Variants in MTUS2 observed in about 807,000 individuals in gnomAD.
MTUS2 encodes the protein microtubule-associated tumor suppressor candidate 2.
In MTUS2, 40 loss-of-function variants were observed where a neutral mutation model predicts 114.1. The observed-to-expected ratio is 0.35, with a 90% CI of 0.27 to 0.46. MTUS2 has a LOEUF of 0.46. MTUS2 is among the 20% of genes least tolerant of loss of function. The pLI, the probability that MTUS2 is intolerant of heterozygous loss-of-function variation, is 1.00. For missense variants in MTUS2, 1,679 were observed against 1,705.4 expected, an observed-to-expected ratio of 0.98 and a Z score of 0.27; for synonymous variants, 688 against 672.0, an observed-to-expected ratio of 1.02 and a Z score of -0.37.
chr13:29,041,490 G>A (rs1887355989), intron 4 of MTUS2, among the ~76,000 whole-genome samples: 1 of 152,076 alleles, frequency 6.6e-6, no homozygotes, highest in Non-Finnish European at 1.5e-5. Flanking sequence ...AATGATGGTG[G>A]TATATTGATG....
intron 5 of MTUS2, among the ~76,000 whole-genome samples, chr13:29,227,717 CT>C (rs1202815087): frequency 6.6e-6 from 1 of 152,174 alleles, no homozygotes; most frequent in African/African-American, 2.4e-5. Context: ...AACTGTTAGG[CT>C]TTGCTGTTGC....
At chr13:29,208,515 G>A (rs566036483) in intron 5 of MTUS2, among the ~76,000 whole-genome samples, 1 of 151,932 alleles carries the variant, frequency 6.6e-6, no homozygotes, top group African/African-American at 2.4e-5. Flanking sequence ...AGTTTCTCGA[G>A]TTGTGACCTC....
intron 5 of MTUS2, among the ~76,000 whole-genome samples, chr13:29,158,358 C>CCCCCCTCTTTT: frequency 1.2e-4 from 4 of 32,052 alleles, no homozygotes; most frequent in Admixed American, 4.2e-4. Flanking sequence ...GTCCACCCCG[C>CCCCCCTCTTTT]TTTTTTTTTT....
chr13:28,916,044 T>C (rs1355015626), intron 2 of MTUS2, among the ~76,000 whole-genome samples: 1 of 151,920 alleles, frequency 6.6e-6, no homozygotes, highest in East Asian at 1.9e-4. Flanking sequence ...GCACCATTTA[T>C]TGAAAAAAAA....
At chr13:29,052,611 A>G (rs1887954510) in intron 4 of MTUS2, among the ~76,000 whole-genome samples, 1 of 152,232 alleles carries the variant, frequency 6.6e-6, no homozygotes, top group Admixed American at 6.5e-5. Context: ...TCAGAGGATA[A>G]ATAGAAGTTA....
intron 5 of MTUS2, among the ~76,000 whole-genome samples, chr13:29,263,430 A>G (rs1897550249): frequency 6.6e-6 from 1 of 152,156 alleles, no homozygotes; most frequent in African/African-American, 2.4e-5. Flanking sequence ...TTTTCTCTGG[A>G]TGAATGGGGA....
At chr13:29,313,107 G>T (rs1197477806) in intron 6 of MTUS2, among the ~76,000 whole-genome samples, 1 of 152,128 alleles carries the variant, frequency 6.6e-6, no homozygotes, top group Non-Finnish European at 1.5e-5. Context: ...TCAACCCATA[G>T]TGTAGTAAAG....
chr13:29,031,307 G>GTCTCTC (rs34098187), intron 3 of MTUS2, among the ~76,000 whole-genome samples: 1 of 149,404 alleles, frequency 6.7e-6, no homozygotes, highest in Non-Finnish European at 1.5e-5. Context: ...CTATACTTAT[G>GTCTCTC]TCTCTCAATA....
intron 5 of MTUS2, among the ~76,000 whole-genome samples, chr13:29,128,469 C>T (rs1051340492): frequency 4.6e-5 from 7 of 152,058 alleles, no homozygotes; most frequent in South Asian, 2.1e-4. Context: ...AGGATTATTT[C>T]GCATTATAAA....
chr13:29,142,037 T>C (rs948361056), intron 5 of MTUS2, among the ~76,000 whole-genome samples: 1 of 151,984 alleles, frequency 6.6e-6, no homozygotes, highest in Non-Finnish European at 1.5e-5. Context: ...TTTTTTTGTA[T>C]TTTTAGTAGA....
chr13:29,076,688 C>A (rs1889208543), intron 4 of MTUS2, among the ~76,000 whole-genome samples: 1 of 152,134 alleles, frequency 6.6e-6, no homozygotes, highest in Non-Finnish European at 1.5e-5. Context: ...AATCCAAGAG[C>A]CCAGGGAAGA....
intron 5 of MTUS2, among the ~76,000 whole-genome samples, chr13:29,203,257 G>A (rs371423096): frequency 7.2e-5 from 11 of 152,196 alleles, no homozygotes; most frequent in Admixed American, 1.3e-4. Flanking sequence ...CGGCTTTGTG[G>A]CACTGAGGTG....
intron 5 of MTUS2, among the ~76,000 whole-genome samples, chr13:29,146,357 C>G (rs570433802): frequency 1.9e-4 from 29 of 152,246 alleles, no homozygotes; most frequent in African/African-American, 6.7e-4. Flanking sequence ...AATGATGTAA[C>G]TTTAAGAACA....
chr13:29,445,800 C>T (rs921378450), intron 9 of MTUS2, among the ~76,000 whole-genome samples: 4 of 151,808 alleles, frequency 2.6e-5, no homozygotes, highest in East Asian at 3.9e-4. Context: ...CCCAGCTACT[C>T]GGGAGGCTGA....
intron 2 of MTUS2, among the ~76,000 whole-genome samples, chr13:28,850,431 C>T (rs1357451212): frequency 1.3e-5 from 2 of 152,170 alleles, no homozygotes; most frequent in East Asian, 1.9e-4. Context: ...AATTGGCCAG[C>T]GACAGCCCTG....
At chr13:29,388,786 G>C (rs535533299) in intron 8 of MTUS2, among the ~76,000 whole-genome samples, 1 of 152,042 alleles carries the variant, frequency 6.6e-6, no homozygotes, top group African/African-American at 2.4e-5. Context: ...TTCTGTCAGT[G>C]ACTTATATTG....
chr13:29,273,136 A>T (rs1221474407), intron 5 of MTUS2, among the ~76,000 whole-genome samples: 1 of 152,168 alleles, frequency 6.6e-6, no homozygotes, highest in African/African-American at 2.4e-5. Flanking sequence ...GTTGGAGGAG[A>T]CACATTCAAA....
At chr13:29,321,603 A>T (rs1384615124) in intron 6 of MTUS2, among the ~76,000 whole-genome samples, 2 of 152,186 alleles carry the variant, frequency 1.3e-5, no homozygotes, top group Non-Finnish European at 2.9e-5. Context: ...CTTGGACTAG[A>T]CTTATCTGTC....
intron 5 of MTUS2, chr13:29,242,682 C>A (rs116632471): frequency 2.7e-4 from 41 of 152,466 alleles, no homozygotes; most frequent in African/African-American, 9.6e-4. Context: ...ATTTCTTGAG[C>A]ACCTTTGTGC....
Sources: gnomAD v4.1 joint callset for allele counts (sites outside exome capture counted in the v4.1 genomes callset) on GRCh38, gnomAD v4.1.1 for gene constraint, MANE v1.5 for transcripts, NCBI Gene and HGNC (gene_info 2026-07-23, HGNC 2026-07-21) for gene names.